The following CLIC4 variants were observed in gnomAD, a reference collection of about 807,000 sequenced individuals.
CLIC4 encodes the protein chloride intracellular channel protein 4.
Under a neutral mutation model 24.6 loss-of-function variants are expected in CLIC4, and 13 were observed. The ratio of observed to expected loss-of-function variants is 0.53; its 90% CI spans 0.34 to 0.84. The LOEUF (loss-of-function observed/expected upper bound fraction) is 0.84, where lower values mean the gene tolerates loss of function less well. Ranked by LOEUF, CLIC4 falls within the 40% of genes least tolerant of loss-of-function variation. CLIC4 has a pLI of 0.01. For missense variants in CLIC4, 227 were observed against 301.7 expected (o/e 0.75, Z 1.83); for synonymous variants, 104 against 111.3 (o/e 0.93, Z 0.41).
chr1:24,779,784 AC>A (rs1185509046), intron 1 of CLIC4, among the ~76,000 whole-genome samples: 6 of 151,576 alleles, frequency 4.0e-5, no homozygotes, highest in Non-Finnish European at 1.5e-5. Flanking sequence ...GGATTATGCT[AC>A]CCCAATTCAA....
chr1:24,770,027 T>A (rs1240009020), intron 1 of CLIC4, among the ~76,000 whole-genome samples: 5 of 152,076 alleles, frequency 3.3e-5, no homozygotes, highest in African/African-American at 1.2e-4. Context: ...TAATTTTTTT[T>A]AAATTAATTT....
At chr1:24,799,587 G>A (rs1482707368) in intron 2 of CLIC4, among the ~76,000 whole-genome samples, 5 of 130,496 alleles carry the variant, frequency 3.8e-5, no homozygotes, top group Middle Eastern at 4.4e-3. Flanking sequence ...CCGCCCCGTC[G>A]GGGAGGGAGG....
intron 3 of CLIC4, among the ~76,000 whole-genome samples, chr1:24,817,590 G>A (rs1639684456): frequency 2.6e-5 from 4 of 152,152 alleles, no homozygotes; most frequent in Admixed American, 2.6e-4. Context: ...CAATAAAGCT[G>A]TTTTTCTCTA....
chr1:24,750,159 G>A (rs1557792455), intron 1 of CLIC4, among the ~76,000 whole-genome samples: 1 of 152,060 alleles, frequency 6.6e-6, no homozygotes, highest in Non-Finnish European at 1.5e-5. Context: ...TGGGAGGATT[G>A]TTTGAGCCCA....
intron 1 of CLIC4, among the ~76,000 whole-genome samples, chr1:24,760,356 T>C (rs939876655): frequency 2.6e-5 from 4 of 151,364 alleles, no homozygotes; most frequent in African/African-American, 9.7e-5. Flanking sequence ...GGGGACTCCA[T>C]CTCAAAAAAA....
intron 4 of CLIC4, among the ~76,000 whole-genome samples, chr1:24,828,984 C>G (rs1423800072): frequency 6.6e-6 from 1 of 152,292 alleles, no homozygotes; most frequent in Non-Finnish European, 1.5e-5. Context: ...TTTCAAATCA[C>G]TTTGGAGCTT....
intron 4 of CLIC4, among the ~76,000 whole-genome samples, chr1:24,837,591 G>A (rs1490688979): frequency 1.3e-5 from 2 of 152,132 alleles, no homozygotes; most frequent in Admixed American, 6.5e-5. Context: ...TCAAAAGAAA[G>A]GACAATTTCA....
intron 3 of CLIC4, among the ~76,000 whole-genome samples, chr1:24,820,067 G>GTGTGTGTATATA (rs1212033050): frequency 2.5e-4 from 9 of 36,478 alleles, no homozygotes; most frequent in East Asian, 1.2e-3. Flanking sequence ...AAAAAAGTAT[G>GTGTGTGTATATA]TATATATATA....
intron 1 of CLIC4, among the ~76,000 whole-genome samples, chr1:24,748,592 C>T (rs956468283): frequency 6.1e-5 from 9 of 148,634 alleles, no homozygotes; most frequent in Non-Finnish European, 1.2e-4. Context: ...CTCACTGCAC[C>T]CTCTGCCTCC....
intron 2 of CLIC4, among the ~76,000 whole-genome samples, chr1:24,808,502 G>A (rs1261221458): frequency 2.0e-5 from 3 of 150,716 alleles, no homozygotes; most frequent in Non-Finnish European, 3.0e-5. Context: ...AACTGCAACC[G>A]CCCCCGCCCC....
intron 2 of CLIC4, among the ~76,000 whole-genome samples, chr1:24,804,440 GTGTA>G (rs1433865191): frequency 9.8e-6 from 1 of 101,554 alleles, no homozygotes; most frequent in Non-Finnish European, 2.0e-5. Flanking sequence ...GGGGGTGTGT[GTGTA>G]TGTGTGGGTG....
intron 4 of CLIC4, among the ~76,000 whole-genome samples, chr1:24,830,315 T>C (rs552792990): frequency 2.0e-5 from 3 of 152,184 alleles, no homozygotes; most frequent in East Asian, 1.9e-4. Flanking sequence ...TATGCAGTTA[T>C]ACTTTTCACT....
intron 1 of CLIC4, among the ~76,000 whole-genome samples, chr1:24,747,228 G>C (rs1638711447): frequency 6.6e-6 from 1 of 150,914 alleles, no homozygotes; most frequent in Non-Finnish European, 1.5e-5. Flanking sequence ...ATGTAGGAAG[G>C]AACCTGAAAT....
At chr1:24,823,418 TA>T (rs1639754033) in intron 3 of CLIC4, among the ~76,000 whole-genome samples, 1 of 152,128 alleles carries the variant, frequency 6.6e-6, no homozygotes, top group Admixed American at 6.5e-5. Flanking sequence ...AAGGATAAAA[TA>T]GAAGGAAGCG....
At position 24,841,681 on chromosome 1, in the gene CLIC4, G is replaced by T. The variant is rs1639945245; in HGVS notation, c.*744G>T. ...GCATTTTATCTTTAGAAGAGAAACT[G>T]ATGGGCACCTGATACTCTGTCTAAA... On this transcript the variant is annotated 3_prime_UTR_variant, in exon 6 of 6. Transcript: ENST00000374379. The T allele has an allele frequency of 6.6e-6, 1 of 152,478 alleles. No homozygotes were observed. The allele number at this position is 152,478 out of a possible 1,614,324, so 9.4% of individuals were successfully genotyped here.
At chr1:24,800,691 A>G (rs531785452) in intron 2 of CLIC4, among the ~76,000 whole-genome samples, 2 of 152,278 alleles carry the variant, frequency 1.3e-5, no homozygotes, top group African/African-American at 2.4e-5. Context: ...AGAAGTAGAC[A>G]TGGGAGACTT....
intron 1 of CLIC4, among the ~76,000 whole-genome samples, chr1:24,775,572 C>T (rs1323111565): frequency 6.7e-6 from 1 of 149,574 alleles, no homozygotes; most frequent in African/African-American, 2.5e-5. Flanking sequence ...CTTTCCCTCT[C>T]TTTTCTTTTC....
intron 4 of CLIC4, 90 bp from the exon 5 acceptor site, chr1:24,839,770 C>A: frequency 8.9e-7 from 1 of 1,118,184 alleles, no homozygotes; most frequent in East Asian, 2.4e-5. Context: ...CATTTTTAAA[C>A]AGTTATTGAC....
At chr1:24,789,735 CT>C (rs375900947) in intron 1 of CLIC4, among the ~76,000 whole-genome samples, 42 of 148,698 alleles carry the variant, frequency 2.8e-4, no homozygotes, top group African/African-American at 5.4e-4. Context: ...TTCTTTATAT[CT>C]TTTTTTTTTA....
Sources: gnomAD v4.1 joint callset for allele counts (sites outside exome capture counted in the v4.1 genomes callset) on GRCh38, gnomAD v4.1.1 for gene constraint, MANE v1.5 for transcripts, NCBI Gene and HGNC (gene_info 2026-07-23, HGNC 2026-07-21) for gene names.